The following MYH15 variants were observed in gnomAD, a reference collection of about 807,000 sequenced individuals.
MYH15 encodes myosin heavy chain 15.
A neutral mutation model predicts 240.5 loss-of-function variants in MYH15; 227 were observed. That is an observed-to-expected ratio of 0.94 (90% CI 0.85 to 1.05). The LOEUF is 1.05. Among genes scored for constraint, MYH15 ranks in the 50% least tolerant of loss-of-function variants. MYH15 has a pLI of 0.00. For synonymous variants in MYH15, 785 were observed against 796.7 expected, an observed-to-expected ratio of 0.99 and a Z score of 0.25; for missense variants, 2,217 against 2,247.5, an observed-to-expected ratio of 0.99 and a Z score of 0.27.
At chr3:108,425,504 G>A (rs2082718792) in intron 27 of MYH15, among the ~76,000 whole-genome samples, 1 of 152,134 alleles carries the variant, frequency 6.6e-6, no homozygotes, top group Non-Finnish European at 1.5e-5. Flanking sequence ...ACATGGGAAT[G>A]GGAATGGAAA....
intron 1 of MYH15, among the ~76,000 whole-genome samples, chr3:108,517,871 A>G (rs758282113): frequency 6.6e-6 from 1 of 152,240 alleles, no homozygotes; most frequent in Non-Finnish European, 1.5e-5. Flanking sequence ...ACTCTAATGG[A>G]CATGGACAAC....
In MYH15 at chr3:108,459,389, T is replaced by C. The variant is rs1190533862; in HGVS notation, c.1993A>G (p.Ile665Val). Residue 665 changes from isoleucine (I) to valine (V), a missense_variant, in exon 18 of 41, where the codon ATA becomes GTA. Ile to Val is a conservative substitution (Grantham distance 29). Transcript: ENST00000693548. ...GGTATTTTGTTCACATTGGGATTTA[T>C]GCATCTCACAAAATGAGGTGCTGTT... ...KSTAPHFVRC[I>V]NPNVNKIPGI... is the part of the protein sequence containing the mutation. 7.5e-6 allele frequency: 12 copies of C among 1,604,056 alleles called. No individual in the cohort carries two copies. In the South Asian group the frequency reaches 7.9e-5, roughly 11 times the overall value.
intron 15 of MYH15, among the ~76,000 whole-genome samples, chr3:108,464,176 G>A (rs1261567855): frequency 6.6e-6 from 1 of 152,144 alleles, no homozygotes; most frequent in East Asian, 1.9e-4. Flanking sequence ...ATATACACTG[G>A]TGAGGAAATG....
intron 27 of MYH15, 38 bp from the exon 28 acceptor site, chr3:108,421,252 G>A (rs751076219): frequency 1.2e-6 from 2 of 1,600,040 alleles, no homozygotes; most frequent in Admixed American, 3.3e-5. Flanking sequence ...AGGGCTCACA[G>A]AGGATACTCT....
At chr3:108,550,482 T>G in the MYH15 span, 13 of 151,436 alleles carry the variant, frequency 8.6e-5, no homozygotes, top group African/African-American at 3.1e-4. Flanking sequence ...TACAAGTTCT[T>G]AGATTTTTTA....
intron 1 of MYH15, among the ~76,000 whole-genome samples, chr3:108,516,289 A>G (rs2083571821): frequency 6.6e-6 from 1 of 152,226 alleles, no homozygotes; most frequent in African/African-American, 2.4e-5. Context: ...TAATAAGAAC[A>G]AATATTAATA....
chr3:108,385,644 C>T (rs1239210740), intron 38 of MYH15, among the ~76,000 whole-genome samples: 2 of 152,168 alleles, frequency 1.3e-5, no homozygotes, highest in Non-Finnish European at 2.9e-5. Flanking sequence ...AAGAAAATAT[C>T]TCAATTTGCT....
chr3:108,524,531 T>A (rs1375500536), intron 1 of MYH15, among the ~76,000 whole-genome samples: 2 of 152,090 alleles, frequency 1.3e-5, no homozygotes, highest in African/African-American at 4.8e-5. Flanking sequence ...GTAACTTTTG[T>A]CATATTTTTT....
intron 20 of MYH15, among the ~76,000 whole-genome samples, chr3:108,454,370 GAACTT>G (rs1465805559): frequency 6.6e-6 from 1 of 151,944 alleles, no homozygotes; most frequent in African/African-American, 2.4e-5. Flanking sequence ...GTTTGCCTAA[GAACTT>G]AAACTATTCT....
chr3:108,485,933 G>C (rs576935782), intron 10 of MYH15, among the ~76,000 whole-genome samples: 1 of 152,250 alleles, frequency 6.6e-6, no homozygotes, highest in South Asian at 2.1e-4. Context: ...CTAACACTAA[G>C]AGAATAGCTC....
intron 40 of MYH15, among the ~76,000 whole-genome samples, chr3:108,381,927 G>T (rs2082346845): frequency 6.6e-6 from 1 of 152,170 alleles, no homozygotes; most frequent in African/African-American, 2.4e-5. Context: ...TGACAGTTGA[G>T]GATTTTTTGG....
At chr3:108,505,900 A>T in intron 1 of MYH15, 71 bp from the exon 2 acceptor site, 1 of 937,208 alleles carries the variant, frequency 1.1e-6, no homozygotes, top group Non-Finnish European at 1.6e-6. Flanking sequence ...GGACACTTTC[A>T]TACTGATAGA....
chr3:108,493,077 A>C (rs923471028), intron 8 of MYH15, 37 bp downstream of exon 8: 64 of 1,574,662 alleles, frequency 4.1e-5, no homozygotes, highest in Non-Finnish European at 5.6e-5. Flanking sequence ...AAGGGAAGAA[A>C]AGAAAAAAGT....
Position 108,485,087 on chromosome 3 carries a change from T to C in MYH15, c.1114+4A>G, listed in dbSNP as rs751713055. The C allele has an allele frequency of 9.3e-6, 15 of 1,613,738 alleles. No individual in the cohort carries two copies. Among genetic ancestry groups the C allele is most frequent in the African/African-American group, 1.3e-5 (1 of 74,902 alleles). Reference sequence around the variant, plus strand: ...ATATACCATATCTTCAAAGTAATTCTTACTTTCTGTGCCATCTGCTTCCAG... The same window carrying C: ...ATATACCATATCTTCAAAGTAATTCCTACTTTCTGTGCCATCTGCTTCCAG... On this transcript the variant is annotated splice_donor_region_variant and intron_variant, in intron 11 of 40. Coordinates refer to ENST00000693548, the MANE Select transcript of MYH15 (RefSeq NM_014981.3).
rs1215979510 is a variant in MYH15, at chr3:108,421,070, A to C, written c.3829+18T>G. ...GGGATTGAGAATTGCCTATGAGTCA[A>C]GCAGCATACTTACTTACCACTCTCA... On this transcript the variant is annotated intron_variant, in intron 28 of 40. Transcript: ENST00000693548. 3.1e-6 allele frequency: 5 copies of C among 1,613,642 alleles called. No individual in the cohort carries two copies. Among genetic ancestry groups the C allele is most frequent in the Non-Finnish European group, 3.4e-6 (4 of 1,179,780 alleles).
At chr3:108,527,092 C>G (rs1236939632) in intron 1 of MYH15, among the ~76,000 whole-genome samples, 1 of 152,094 alleles carries the variant, frequency 6.6e-6, no homozygotes, top group Non-Finnish European at 1.5e-5. Context: ...TGCCATGTGT[C>G]ACTCCCAGAG....
At chr3:108,535,869 A>G in the MYH15 span, among the ~76,000 whole-genome samples, 6 of 152,318 alleles carry the variant, frequency 3.9e-5, no homozygotes, top group African/African-American at 1.2e-4. Flanking sequence ...GCTAAACAAG[A>G]TGTCCCCTAA....
At chr3:108,500,384 T>A in intron 3 of MYH15, 110 bp from the exon 4 acceptor site, 2 of 1,172,240 alleles carry the variant, frequency 1.7e-6, no homozygotes, top group Non-Finnish European at 2.4e-6. Context: ...ATAAAGGAAC[T>A]CAGAGGGGAG....
chr3:108,384,696 G>A lies in MYH15; in HGVS notation c.5622C>T (p.Val1874=), dbSNP rs564621447. Reference sequence around the variant, plus strand: ...TTCCCCAGGCACTCACCGCCACCTCGACTTGCTGCTTGTAATTTTGCACTT... The same window carrying A: ...TTCCCCAGGCACTCACCGCCACCTCAACTTGCTGCTTGTAATTTTGCACTT... The part of the protein sequence containing the change: ...QLKVQNYKQQ[V]EVAETQANQY... The change falls in exon 39 of 41, where the codon GTC becomes GTT. Residue 1874 remains valine, a synonymous_variant. Transcript: ENST00000693548. 26 of 1,613,218 alleles carry A rather than the reference G, an allele frequency of 1.6e-5. No homozygotes were observed. The highest frequency in any genetic ancestry group is 5.0e-5 in the Admixed American group (3 of 59,964).
Sources: allele counts gnomAD v4.1 joint callset (sites outside exome capture counted in the v4.1 genomes callset), GRCh38; gene constraint gnomAD v4.1.1; transcripts MANE v1.5; gene names NCBI Gene and HGNC (gene_info 2026-07-23, HGNC 2026-07-21).